The following MTSS1 variants were observed in gnomAD, a reference collection of about 807,000 sequenced individuals.
MTSS1 encodes the protein MTSS I-BAR domain containing 1.
In MTSS1, 18 loss-of-function variants were observed where a neutral mutation model predicts 79.0. The observed-to-expected ratio is 0.23, with a 90% CI of 0.16 to 0.34. The LOEUF is 0.34. MTSS1 is among the 10% of genes least tolerant of loss of function. MTSS1 has a pLI of 1.00. For missense variants in MTSS1, 815 were observed against 986.2 expected, an observed-to-expected ratio of 0.83 and a Z score of 2.33; for synonymous variants, 341 against 368.6, an observed-to-expected ratio of 0.93 and a Z score of 0.86.
intron 3 of MTSS1, among the ~76,000 whole-genome samples, chr8:124,680,222 C>T (rs1040988057): frequency 6.6e-6 from 1 of 152,226 alleles, no homozygotes; most frequent in Non-Finnish European, 1.5e-5. Flanking sequence ...ACATGTGGAA[C>T]ACAAGGGCTG....
chr8:124,636,813 G>A (rs992216653), intron 3 of MTSS1, among the ~76,000 whole-genome samples: 2 of 152,156 alleles, frequency 1.3e-5, no homozygotes, highest in African/African-American at 2.4e-5. Flanking sequence ...TGGCCCCATC[G>A]GGACCTTGCA....
intron 3 of MTSS1, among the ~76,000 whole-genome samples, chr8:124,616,680 G>C (rs1450101068): frequency 6.6e-6 from 1 of 152,150 alleles, no homozygotes; most frequent in East Asian, 1.9e-4. Flanking sequence ...TTCCCTGTCT[G>C]ATTCTGCAGT....
At chr8:124,577,580 G>C (rs1456666557) in intron 6 of MTSS1, 1 of 518,974 alleles carries the variant, frequency 1.9e-6, no homozygotes, top group Admixed American at 1.9e-5. Context: ...TATGGATTCA[G>C]GTCAGGGGCA....
chr8:124,704,658 T>C (rs1397302847), intron 1 of MTSS1, among the ~76,000 whole-genome samples: 2 of 152,052 alleles, frequency 1.3e-5, no homozygotes, highest in African/African-American at 4.8e-5. Flanking sequence ...GATTGAAAAA[T>C]TACCTAATGC....
intron 3 of MTSS1, 111 bp downstream of exon 3, chr8:124,699,415 A>T (rs1829371002): frequency 1.1e-6 from 1 of 906,130 alleles, no homozygotes. Flanking sequence ...GGAAAATACG[A>T]GTCAGCTCAG....
intron 1 of MTSS1, among the ~76,000 whole-genome samples, chr8:124,712,810 A>G (rs1164503190): frequency 6.6e-6 from 1 of 152,122 alleles, no homozygotes; most frequent in African/African-American, 2.4e-5. Flanking sequence ...GAACCACAAA[A>G]GGTGCTCCCT....
chr8:124,705,258 G>A (rs1830231051), intron 1 of MTSS1, among the ~76,000 whole-genome samples: 1 of 152,094 alleles, frequency 6.6e-6, no homozygotes, highest in African/African-American at 2.4e-5. Context: ...ACATCTTGAG[G>A]CCAGGAGATC....
At position 124,704,119 on chromosome 8, in the gene MTSS1, C is replaced by A. The variant is rs1830081792; in HGVS notation, c.134+11G>T. The A allele has an allele frequency of 3.1e-6, 5 of 1,612,740 alleles. No homozygotes were observed. Among genetic ancestry groups the A allele is most frequent in the Middle Eastern group, 1.7e-4 (1 of 6,056 alleles). Reference sequence around the variant, plus strand: ...TTGTCCTTTTCCTGTAGAACATGTGCTTCTACTTACCGAAGCTGGGACTGC... The same window carrying A: ...TTGTCCTTTTCCTGTAGAACATGTGATTCTACTTACCGAAGCTGGGACTGC... On this transcript the variant is annotated intron_variant, in intron 2 of 13. Transcript: ENST00000518547.
At chr8:124,705,286 C>T (rs1811354) in intron 1 of MTSS1, among the ~76,000 whole-genome samples, 84,393 of 151,774 alleles carry the variant, frequency 0.56, 23,640 homozygotes, top group East Asian at 0.71. Flanking sequence ...GCCTGGCCAA[C>T]GTGGTGAATC....
intron 3 of MTSS1, among the ~76,000 whole-genome samples, chr8:124,666,129 T>C (rs991390399): frequency 6.6e-6 from 1 of 152,248 alleles, no homozygotes; most frequent in African/African-American, 2.4e-5. Context: ...ACATTCTGCT[T>C]ATCTGTTTAC....
intron 3 of MTSS1, among the ~76,000 whole-genome samples, chr8:124,616,476 C>A (rs1262131652): frequency 6.6e-6 from 1 of 151,912 alleles, no homozygotes; most frequent in Non-Finnish European, 1.5e-5. Context: ...TTATGTGACC[C>A]AACCCCCATA....
chr8:124,680,704 T>C (rs1031427076), intron 3 of MTSS1, among the ~76,000 whole-genome samples: 5 of 152,192 alleles, frequency 3.3e-5, no homozygotes, highest in Non-Finnish European at 7.3e-5. Flanking sequence ...GGACTCTAAA[T>C]AGAGAAACTT....
intron 3 of MTSS1, among the ~76,000 whole-genome samples, chr8:124,672,264 C>T (rs556897847): frequency 6.6e-6 from 1 of 152,104 alleles, no homozygotes; most frequent in South Asian, 2.1e-4. Flanking sequence ...GAGGCCAAGG[C>T]GGGTGGATGA....
rs1833012113 is a variant in MTSS1, at chr8:124,597,719, G to C, written c.209-6484C>G. Among the ~76,000 whole-genome samples, 1 of 152,224 alleles carries C rather than the reference G, an allele frequency of 6.6e-6. No individual in the cohort carries two copies. The highest frequency in any genetic ancestry group is 1.5e-5 in the Non-Finnish European group (1 of 68,044). On this transcript the variant is annotated intron_variant, in intron 3 of 13. Transcript: ENST00000518547. This position sits in a 1 kb window ranked among gnomAD's most constrained non-coding sequence, Gnocchi z 4.6. ...GGCCCAGCTTCTGCAGCGTGGAGGG[G>C]AAGGGCTGAGGAAGCCAGACTGAAG... is the stretch of plus-strand genomic sequence containing the variant.
At chr8:124,598,584 A>G (rs1833178492) in intron 3 of MTSS1, among the ~76,000 whole-genome samples, 2 of 152,230 alleles carry the variant, frequency 1.3e-5, no homozygotes, top group African/African-American at 4.8e-5. Flanking sequence ...AAGCTCTGAA[A>G]AGCTATTAAG....
intron 3 of MTSS1, among the ~76,000 whole-genome samples, chr8:124,623,829 C>T (rs1814104125): frequency 6.6e-6 from 1 of 152,124 alleles, no homozygotes; most frequent in Non-Finnish European, 1.5e-5. Context: ...TAGTAGAGAC[C>T]GGGTTTCACT....
intron 3 of MTSS1, among the ~76,000 whole-genome samples, chr8:124,638,410 G>C (rs1452262634): frequency 6.6e-6 from 1 of 152,168 alleles, no homozygotes; most frequent in Middle Eastern, 3.2e-3. Flanking sequence ...GTTGATAAGT[G>C]GCGCTTCAAA....
intron 3 of MTSS1, among the ~76,000 whole-genome samples, chr8:124,635,277 C>T (rs1816772427): frequency 2.0e-5 from 3 of 150,006 alleles, no homozygotes. Flanking sequence ...GGAACAGAGT[C>T]AAATGACAGG....
At chr8:124,637,482 A>T (rs941753729) in intron 3 of MTSS1, among the ~76,000 whole-genome samples, 26 of 152,228 alleles carry the variant, frequency 1.7e-4, no homozygotes, top group Admixed American at 1.3e-4. Context: ...AGCCAGACCC[A>T]CGGCTCCAAC....
Sources: gnomAD v4.1 joint callset for allele counts (sites outside exome capture counted in the v4.1 genomes callset) on GRCh38, gnomAD v4.1.1 for gene constraint, Gnocchi (gnomAD v3.1) non-coding constraint, MANE v1.5 for transcripts, NCBI Gene and HGNC (gene_info 2026-07-23, HGNC 2026-07-21) for gene names.